Variants in DTX2 observed in about 807,000 individuals in gnomAD.
DTX2 encodes probable E3 ubiquitin-protein ligase DTX2.
A neutral mutation model predicts 55.3 loss-of-function variants in DTX2; 29 were observed. The ratio of observed to expected loss-of-function variants is 0.52; its 90% CI spans 0.39 to 0.71. The LOEUF (loss-of-function observed/expected upper bound fraction) is 0.71. Ranked by LOEUF, DTX2 falls within the 30% of genes least tolerant of loss-of-function variation. The pLI is 0.00. For synonymous variants in DTX2, 276 were observed against 340.4 expected, an observed-to-expected ratio of 0.81 and a Z score of 2.08; for missense variants, 537 against 822.5, an observed-to-expected ratio of 0.65 and a Z score of 4.25.
intron 2 of DTX2, among the ~76,000 whole-genome samples, chr7:76,473,984 C>T (rs1345478160): frequency 3.9e-5 from 5 of 127,032 alleles, no homozygotes; most frequent in African/African-American, 6.0e-5. Context: ...TGCAATGGCG[C>T]GATCTCGGCT....
Position 76,503,536 on chromosome 7 carries a change from C to A in DTX2, c.1500C>A (p.His500Gln). ...GGTTCCAGATGTCGCTCCCCGGCCACGAGGACTGCGGGACCATCCTCATAG... is the reference window on the plus strand; with the variant it reads ...GGTTCCAGATGTCGCTCCCCGGCCAAGAGGACTGCGGGACCATCCTCATAG... The part of the protein sequence containing the change: ...VLRFQMSLPG[H>Q]EDCGTILIVY... Residue 500 changes from histidine (H) to glutamine (Q), a missense_variant, in exon 9 of 11, where the codon CAC becomes CAA. Physicochemically the swap from His to Gln is conservative, Grantham distance 24. Transcript: ENST00000430490. The A allele has an allele frequency of 6.2e-6, 10 of 1,612,750 alleles. No individual in the cohort carries two copies. The highest frequency in any genetic ancestry group is 6.8e-6 in the Non-Finnish European group (8 of 1,179,858).
At chr7:76,500,689 G>A (rs894765611) in intron 7 of DTX2, among the ~76,000 whole-genome samples, 169 bp downstream of exon 7, 12 of 151,632 alleles carry the variant, frequency 7.9e-5, no homozygotes, top group African/African-American at 1.5e-4. Context: ...GACCCACATC[G>A]TTATGGTCTG....
chr7:76,482,096 T>C (rs1809297127), intron 3 of DTX2, among the ~76,000 whole-genome samples: 1 of 152,162 alleles, frequency 6.6e-6, no homozygotes, highest in South Asian at 2.1e-4. Flanking sequence ...TGAAGTCAAC[T>C]GAGAAAGATA....
chr7:76,482,395 G>A, intron 3 of DTX2, 113 bp from the exon 4 acceptor site: 2 of 1,140,564 alleles, frequency 1.8e-6, no homozygotes, highest in East Asian at 2.4e-5. Flanking sequence ...CAGCATGACT[G>A]TGTACCTACT....
At chr7:76,483,190 C>A in intron 4 of DTX2, 43 bp downstream of exon 4, 1 of 1,588,314 alleles carries the variant, frequency 6.3e-7, no homozygotes, top group Non-Finnish European at 8.5e-7. Flanking sequence ...CCCTGTGTTT[C>A]CGCTCTTAGC....
rs1354772129 is a variant in DTX2 at position 76,488,847 on chromosome 7, G to A, written c.909-3306G>A. Among the ~76,000 whole-genome samples, 5 of 86,008 alleles carry A rather than the reference G, an allele frequency of 5.8e-5. 1 individual carries two copies. Among genetic ancestry groups the A allele is most frequent in the Non-Finnish European group, 9.4e-5 (4 of 42,344 alleles). 56.4% of individuals were successfully genotyped at this position (86,008 alleles called of 152,430 possible). Reference sequence around the variant, plus strand: ...GGAGGCAGAGAGGTTGCAGTGAGCCGAGATCACGCCACTGCGCTCCAGCCT... The same window carrying A: ...GGAGGCAGAGAGGTTGCAGTGAGCCAAGATCACGCCACTGCGCTCCAGCCT... On this transcript the variant is annotated intron_variant, in intron 4 of 10. Coordinates refer to ENST00000430490, the MANE Select transcript of DTX2 (RefSeq NM_001102594.3).
intron 4 of DTX2, among the ~76,000 whole-genome samples, chr7:76,483,609 G>A (rs1809572522): frequency 6.7e-6 from 1 of 149,980 alleles, no homozygotes; most frequent in Non-Finnish European, 1.5e-5. Flanking sequence ...GGCAGAATGT[G>A]GAGCACGTGG....
chr7:76,468,242 A>G (rs1424160475), intron 2 of DTX2, among the ~76,000 whole-genome samples: 1 of 152,128 alleles, frequency 6.6e-6, no homozygotes. Context: ...GGTGTTGGGC[A>G]AAGGCTGACA....
At position 76,505,829 on chromosome 7, in the gene DTX2, C is replaced by T. The variant is rs1184787376; in HGVS notation, c.*228C>T. ...TCATGGGGGCTTAGGATGCAGCTAC[C>T]TCAGTGCGCAGGGCCCGTCTGTCCT... On this transcript the variant is annotated 3_prime_UTR_variant, in exon 11 of 11. Coordinates refer to ENST00000430490, the MANE Select transcript of DTX2 (RefSeq NM_001102594.3). The surrounding 1 kb of genome is among the most constrained non-coding windows in gnomAD (Gnocchi z 4.4). 2 of 607,484 alleles carry T rather than the reference C, an allele frequency of 3.3e-6. No homozygotes were observed. Among genetic ancestry groups the T allele is most frequent in the South Asian group, 2.0e-5 (1 of 50,684 alleles). 37.6% of individuals were successfully genotyped at this position (607,484 alleles called of 1,614,324 possible). A position where few individuals can be genotyped will look rare whatever the true frequency, so the allele number is the denominator to read the frequency against.
intron 2 of DTX2, among the ~76,000 whole-genome samples, chr7:76,467,887 C>T (rs1807348110): frequency 6.6e-6 from 1 of 152,206 alleles, no homozygotes; most frequent in Non-Finnish European, 1.5e-5. Context: ...TGGGCATTCT[C>T]AGTGGGGGAC....
intron 2 of DTX2, among the ~76,000 whole-genome samples, chr7:76,468,758 A>ATCTTTTTTTTTTTTTTTTTTTTT (rs1807492377): frequency 3.7e-5 from 1 of 27,044 alleles, no homozygotes; most frequent in Non-Finnish European, 5.9e-5. Context: ...CACGCCCAGC[A>ATCTTTTTTTTTTTTTTTTTTTTT]TTTTTTTTTT....
intron 2 of DTX2, chr7:76,472,112 G>C (rs1307566054): frequency 1.3e-5 from 2 of 151,200 alleles, no homozygotes; most frequent in Non-Finnish European, 2.9e-5. Flanking sequence ...ACTGTCATAG[G>C]AACATGGATG....
At chr7:76,466,735 A>G (rs532744614) in intron 2 of DTX2, among the ~76,000 whole-genome samples, 2 of 152,352 alleles carry the variant, frequency 1.3e-5, no homozygotes, top group South Asian at 4.1e-4. Flanking sequence ...AGTAGCTAGG[A>G]TTACAGGCAT....
chr7:76,486,971 A>C (rs1199302571), intron 4 of DTX2, among the ~76,000 whole-genome samples: 2 of 132,556 alleles, frequency 1.5e-5, no homozygotes, highest in Non-Finnish European at 3.3e-5. Flanking sequence ...TGGGGCCCAG[A>C]TGGAGCCTTG....
chr7:76,503,460 T>G lies in DTX2; in HGVS notation c.1424T>G (p.Ile475Ser). ...GSLQCPSCKT[I>S]YGEKTGTQPQ... ...CTGCAGTGTCCCTCCTGCAAAACCATCTATGGAGAGAAGACGGGGACCCAG... is the reference window on the plus strand; with the variant it reads ...CTGCAGTGTCCCTCCTGCAAAACCAGCTATGGAGAGAAGACGGGGACCCAG... Residue 475 changes from isoleucine to serine, a missense_variant, in exon 9 of 11, where the codon ATC becomes AGC. Coordinates refer to ENST00000430490, the MANE Select transcript of DTX2 (RefSeq NM_001102594.3). The G allele has an allele frequency of 1.2e-6, 2 of 1,612,818 alleles. No homozygotes were observed. The highest frequency in any genetic ancestry group is 1.7e-6 in the Non-Finnish European group (2 of 1,179,894).
At chr7:76,498,397 T>C (rs1811173166) in intron 6 of DTX2, among the ~76,000 whole-genome samples, 1 of 151,446 alleles carries the variant, frequency 6.6e-6, no homozygotes, top group Non-Finnish European at 1.5e-5. Context: ...TCCCCTGCCC[T>C]GGGGGAGGAG....
chr7:76,477,086 T>A (rs1218513971), intron 2 of DTX2: 4 of 148,618 alleles, frequency 2.7e-5, no homozygotes, highest in African/African-American at 1.0e-4. Context: ...AAGGCAGTCC[T>A]CTGATTTGTA....
At chr7:76,498,820 G>A (rs1454125100) in intron 6 of DTX2, among the ~76,000 whole-genome samples, 4 of 136,228 alleles carry the variant, frequency 2.9e-5, no homozygotes, top group African/African-American at 3.1e-5. Flanking sequence ...GGGGTGTGTG[G>A]GGTGTGTAGA....
At chr7:76,503,753 G>T (rs1812010544) in intron 9 of DTX2, among the ~76,000 whole-genome samples, 166 bp downstream of exon 9, 1 of 150,026 alleles carries the variant, frequency 6.7e-6, no homozygotes, top group African/African-American at 2.4e-5. Context: ...TGGGGAGGCA[G>T]TGCCGGGGCT....
Sources: allele counts gnomAD v4.1 joint callset (sites outside exome capture counted in the v4.1 genomes callset), GRCh38; gene constraint gnomAD v4.1.1; non-coding constraint Gnocchi (gnomAD v3.1); transcripts MANE v1.5; gene names NCBI Gene and HGNC (gene_info 2026-07-23, HGNC 2026-07-21).